Variants in RAD17 observed in about 807,000 individuals in gnomAD.
The protein encoded by RAD17 is RAD17 checkpoint clamp loader component.
Under a neutral mutation model 81.5 loss-of-function variants are expected in RAD17, and 31 were observed. The observed-to-expected ratio is 0.38, with a 90% CI of 0.29 to 0.51. The LOEUF is 0.51. Among genes scored for constraint, RAD17 ranks in the 20% least tolerant of loss-of-function variants. The pLI is 0.88. For missense variants in RAD17, 681 were observed against 781.2 expected (o/e 0.87, Z 1.53); for synonymous variants, 261 against 266.2 (o/e 0.98, Z 0.19).
Position 69,386,386 on chromosome 5 carries a change from T to TA in RAD17, c.825-6dup. On this transcript the variant is annotated splice_polypyrimidine_tract_variant and intron_variant, in intron 10 of 18. Coordinates refer to ENST00000354868, the MANE Select transcript of RAD17 (RefSeq NM_133338.3). ...ATCATTTAACTGCTATCTTTCTTTATAAAACTTAGTTTCAACCCTGTGGCA... is the reference window on the plus strand; with the variant it reads ...ATCATTTAACTGCTATCTTTCTTTATAAAAACTTAGTTTCAACCCTGTGGCA... 6.3e-7 allele frequency: 1 copy of TA among 1,592,092 alleles called. No homozygotes were observed.
At chr5:69,386,610 G>A in intron 11 of RAD17, 145 bp downstream of exon 11, 2 of 1,040,078 alleles carry the variant, frequency 1.9e-6, no homozygotes, top group East Asian at 6.5e-5. Flanking sequence ...TTTAGCAAAT[G>A]TAGGAAATAC....
intron 13 of RAD17, among the ~76,000 whole-genome samples, chr5:69,392,434 C>T (rs1764606553): frequency 6.6e-6 from 1 of 152,168 alleles, no homozygotes; most frequent in African/African-American, 2.4e-5. Flanking sequence ...TCTGTCTCCC[C>T]AACCAGAGAT....
rs751789713 is a variant in RAD17 at position 69,382,069 on chromosome 5, T to G, written c.508+12T>G. 1 of 1,609,360 alleles carries G rather than the reference T, an allele frequency of 6.2e-7. No homozygotes were observed. The highest frequency in any genetic ancestry group is 8.5e-7 in the Non-Finnish European group (1 of 1,177,014). ...GATGTTTAATACTGGTAAGATTTGC[T>G]GTGAAGGTAGTAGAAGTAGTGGGGC... On this transcript the variant is annotated intron_variant, in intron 7 of 18. Coordinates refer to ENST00000354868, the MANE Select transcript of RAD17 (RefSeq NM_133338.3).
At chr5:69,373,715 T>G (rs1763161460) in intron 4 of RAD17, 115 bp from the exon 5 acceptor site, 1 of 166,886 alleles carries the variant, frequency 6.0e-6, no homozygotes, top group Non-Finnish European at 8.9e-6. Context: ...TTTTTTTTTT[T>G]TAAGTTTTAA....
chr5:69,369,624 G>A (rs1580337147), upstream of RAD17: 1 of 1,570,122 alleles, frequency 6.4e-7, no homozygotes, highest in Non-Finnish European at 8.6e-7. Context: ...CCCCTAGCCT[G>A]CCCCGGCGGC....
rs765524968 is a variant in RAD17 at position 69,373,826 on chromosome 5, T to C, written c.10-4T>C. On this transcript the variant is annotated splice_region_variant and splice_polypyrimidine_tract_variant and intron_variant, in intron 4 of 18. Coordinates refer to ENST00000354868, the MANE Select transcript of RAD17 (RefSeq NM_133338.3). ...TATATTTACATGATTTCTTTTTTTTTCAGGTAACAGACTGGGTTGACCCAT... is the reference window on the plus strand; with the variant it reads ...TATATTTACATGATTTCTTTTTTTTCCAGGTAACAGACTGGGTTGACCCAT... 1 of 1,594,416 alleles carries C rather than the reference T, an allele frequency of 6.3e-7. No homozygotes were observed. The highest frequency in any genetic ancestry group is 8.5e-7 in the Non-Finnish European group (1 of 1,172,962).
intron 17 of RAD17, among the ~76,000 whole-genome samples, chr5:69,410,086 T>C (rs1765873257): frequency 6.6e-6 from 1 of 152,252 alleles, no homozygotes; most frequent in African/African-American, 2.4e-5. Context: ...CTTCCACCCA[T>C]TGATTATTGT....
At chr5:69,388,743 A>G (rs192160766) in intron 11 of RAD17, among the ~76,000 whole-genome samples, 9 of 152,160 alleles carry the variant, frequency 5.9e-5, no homozygotes, top group Middle Eastern at 6.8e-3. Flanking sequence ...AGTAGCAGGG[A>G]CTACAGGCGC....
At chr5:69,403,445 T>C (rs1034150783) in intron 17 of RAD17, among the ~76,000 whole-genome samples, 2 of 152,246 alleles carry the variant, frequency 1.3e-5, no homozygotes, top group African/African-American at 4.8e-5. Context: ...ATCTGGATTC[T>C]GACCAACAGA....
upstream of RAD17, chr5:69,369,565 G>T: frequency 1.2e-6 from 2 of 1,607,944 alleles, no homozygotes; most frequent in Non-Finnish European, 1.7e-6. Context: ...GAAGGGGCGG[G>T]CGGCAGCAAA....
At chr5:69,377,452 T>TACACAC (rs1561238666) in intron 6 of RAD17, among the ~76,000 whole-genome samples, 107 of 52,022 alleles carry the variant, frequency 2.1e-3, no homozygotes, top group Non-Finnish European at 3.2e-3. Context: ...TATATATATA[T>TACACAC]ATATATATAT....
intron 15 of RAD17, among the ~76,000 whole-genome samples, chr5:69,394,546 T>A (rs1764761550): frequency 6.6e-6 from 1 of 152,082 alleles, no homozygotes; most frequent in Non-Finnish European, 1.5e-5. Context: ...ATCTTAACAC[T>A]GCCCTTACCA....
At position 69,379,427 on chromosome 5, in the gene RAD17, T is replaced by C. The variant is rs560273172; in HGVS notation, c.352-2474T>C. ...GTAGACTTTTATAAACATTGTACAC[T>C]TAGGCTACACTAAACTTAAACAGTT... On this transcript the variant is annotated intron_variant, in intron 6 of 18. Transcript: ENST00000354868. 2.6e-5 allele frequency among the ~76,000 whole-genome samples: 4 copies of C among 152,298 alleles called. No homozygotes were observed. In the South Asian group the frequency reaches 8.3e-4, roughly 32 times the overall value.
Position 69,372,122 on chromosome 5 carries a change from T to C in RAD17, c.-87T>C. The C allele has an allele frequency of 3.3e-6, 5 of 1,495,352 alleles. No homozygotes were observed. Among genetic ancestry groups the C allele is most frequent in the East Asian group, 2.3e-5 (1 of 43,218 alleles). The allele number at this position is 1,495,352 out of a possible 1,614,324, so 92.6% of individuals were successfully genotyped here. A position where few individuals can be genotyped will look rare whatever the true frequency, so the allele number is the denominator to read the frequency against. ...AGAATTGCTGTCGAAAGTTTTACTA[T>C]AATGAAAGATATTTTCATACTCTCA... On this transcript the variant is annotated 5_prime_UTR_variant, in exon 4 of 19. Transcript: ENST00000354868.
At chr5:69,374,768 T>C in intron 6 of RAD17, 57 bp downstream of exon 6, 16 of 1,367,618 alleles carry the variant, frequency 1.2e-5, no homozygotes, top group Non-Finnish European at 1.6e-5. Context: ...TGACTTACAG[T>C]GTGTTGTTAG....
intron 4 of RAD17, among the ~76,000 whole-genome samples, chr5:69,373,355 A>G (rs192155227): frequency 1.3e-5 from 2 of 152,324 alleles, no homozygotes; most frequent in East Asian, 3.9e-4. Context: ...CTTACTGTAA[A>G]GTAGAAAAAC....
Position 69,393,569 on chromosome 5 carries a change from T to A in RAD17, c.1422+69T>A. On this transcript the variant is annotated intron_variant, in intron 15 of 18. Coordinates refer to ENST00000354868, the MANE Select transcript of RAD17 (RefSeq NM_133338.3). ...TTAGAATTAAGAAAAGAAAGTTTAC[T>A]TTTATCCCTAATTGCCTGACATTAT... 4 of 1,408,462 alleles carry A rather than the reference T, an allele frequency of 2.8e-6. 1 individual carries two copies. The South Asian group carries it at 3.9e-5, about 14-fold the overall frequency. 87.2% of individuals were successfully genotyped at this position (1,408,462 alleles called of 1,614,324 possible).
Position 69,382,025 on chromosome 5 carries a change from A to G in RAD17, c.476A>G (p.Gln159Arg), listed in dbSNP as rs772781432. Residue 159 changes from glutamine (Q) to arginine (R), a missense_variant, in exon 7 of 19, where the codon CAA becomes CGA. Gln to Arg is a conservative substitution (Grantham distance 43, BLOSUM62 1). Transcript: ENST00000354868. ...EWINPVLPDF[Q>R]KDDFKGMFNT... The stretch of plus-strand genomic sequence containing the variant: ...ATTAATCCAGTTTTACCAGACTTCC[A>G]AAAAGATGATTTCAAGGGGATGTTT... 9.3e-6 allele frequency: 15 copies of G among 1,612,470 alleles called. No individual in the cohort carries two copies. The highest frequency in any genetic ancestry group is 5.0e-5 in the Admixed American group (3 of 59,840).
chr5:69,383,412 T>C (rs781471353), intron 7 of RAD17, among the ~76,000 whole-genome samples: 10 of 151,450 alleles, frequency 6.6e-5, no homozygotes, highest in Non-Finnish European at 1.3e-4. Context: ...TGAGATGGAG[T>C]CTTGCTCTGT....
Sources: allele counts gnomAD v4.1 joint callset (sites outside exome capture counted in the v4.1 genomes callset), GRCh38; gene constraint gnomAD v4.1.1; transcripts MANE v1.5; gene names NCBI Gene and HGNC (gene_info 2026-07-23, HGNC 2026-07-21).